The following SLC35F3 variants were observed in gnomAD, a reference collection of about 807,000 sequenced individuals.
SLC35F3 encodes solute carrier family 35 member F3, also known as putative thiamine transporter SLC35F3.
SLC35F3 carries 25 observed loss-of-function variants against 49.9 expected under a neutral mutation model. That is an observed-to-expected ratio of 0.50 (90% CI 0.37 to 0.70). The LOEUF (loss-of-function observed/expected upper bound fraction) is 0.70, where lower values mean the gene tolerates loss of function less well. SLC35F3 is among the 30% of genes least tolerant of loss of function. The pLI, the probability that SLC35F3 is intolerant of heterozygous loss-of-function variation, is 0.00. For synonymous variants in SLC35F3, 275 were observed against 265.4 expected, an observed-to-expected ratio of 1.04 and a Z score of -0.35; for missense variants, 525 against 639.8, an observed-to-expected ratio of 0.82 and a Z score of 1.94.
chr1:233,986,279 A>T (rs1381797291), intron 2 of SLC35F3, among the ~76,000 whole-genome samples: 6 of 152,058 alleles, frequency 3.9e-5, no homozygotes. Context: ...TTCTTTGAGG[A>T]TTTTAGGTTT....
In SLC35F3 at chr1:234,267,489, CGGCTGGCCGGGCGGGG is replaced by C. The variant is rs1371619077; in HGVS notation, c.608+35754_608+35769del. The stretch of plus-strand genomic sequence containing the variant: ...AGCGCCCCTCACCTCCCGGATGGGG[CGGCTGGCCGGGCGGGG>C]GGCTGACCCCCCCACCTCCCTCCCG... On this transcript the variant is annotated intron_variant, in intron 3 of 7. Coordinates refer to ENST00000366618, the MANE Select transcript of SLC35F3 (RefSeq NM_173508.4). 7.5e-5 allele frequency among the ~76,000 whole-genome samples: 11 copies of C among 147,430 alleles called. No individual in the cohort carries two copies. The East Asian group carries it at 1.7e-3, about 23-fold the overall frequency.
At chr1:234,110,197 G>A (rs543991911) in intron 2 of SLC35F3, among the ~76,000 whole-genome samples, 2 of 152,310 alleles carry the variant, frequency 1.3e-5, no homozygotes, top group South Asian at 4.1e-4. Flanking sequence ...ATACGGAGGA[G>A]GAAGATCACT....
chr1:234,131,956 A>G (rs2102898740), intron 2 of SLC35F3, among the ~76,000 whole-genome samples: 1 of 152,336 alleles, frequency 6.6e-6, no homozygotes, highest in Middle Eastern at 3.4e-3. Context: ...GACTATGTAT[A>G]AACTTCGGGG....
chr1:234,264,447 C>G (rs893234214), intron 3 of SLC35F3, among the ~76,000 whole-genome samples: 1 of 152,230 alleles, frequency 6.6e-6, no homozygotes, highest in African/African-American at 2.4e-5. Context: ...CTCCCTTTCT[C>G]TCTTAAACCT....
At chr1:234,076,333 C>T (rs951403579) in intron 2 of SLC35F3, among the ~76,000 whole-genome samples, 1 of 73,908 alleles carries the variant, frequency 1.4e-5, no homozygotes, top group East Asian at 2.3e-4. Context: ...TGTGGTGGCT[C>T]ATGCCTGTAA....
Position 234,231,291 on chromosome 1 carries a change from C to T in SLC35F3, c.284-126C>T. On this transcript the variant is annotated intron_variant, in intron 2 of 7. Transcript: ENST00000366618. This position sits in a 1 kb window ranked among gnomAD's most constrained non-coding sequence, Gnocchi z 5.4. ...GTCACACAGCCGCCCTGGAAGCCGC[C>T]CCTGCACCCGCTATCTCCCCGGGCC... The T allele has an allele frequency of 2.6e-6, 2 of 780,616 alleles. No individual in the cohort carries two copies. Among genetic ancestry groups the T allele is most frequent in the Non-Finnish European group, 4.0e-6 (2 of 506,232 alleles). 48.4% of individuals were successfully genotyped at this position (780,616 alleles called of 1,614,324 possible).
intron 2 of SLC35F3, among the ~76,000 whole-genome samples, chr1:234,227,958 A>G (rs1399845516): frequency 6.6e-6 from 1 of 152,232 alleles, no homozygotes; most frequent in Non-Finnish European, 1.5e-5. Context: ...TTCCAATAGT[A>G]GAAAATAAAT....
intron 3 of SLC35F3, among the ~76,000 whole-genome samples, chr1:234,233,311 A>G (rs1667413681): frequency 6.6e-6 from 1 of 152,248 alleles, no homozygotes; most frequent in South Asian, 2.1e-4. Flanking sequence ...TTAGGATGGT[A>G]TGCTACTGCC....
chr1:234,228,673 T>C (rs1437175567), intron 2 of SLC35F3, among the ~76,000 whole-genome samples: 1 of 151,776 alleles, frequency 6.6e-6, no homozygotes, highest in Non-Finnish European at 1.5e-5. Flanking sequence ...AATTTTTCAG[T>C]GTGTGTGTGT....
Position 234,231,843 on chromosome 1 carries a change from T to C in SLC35F3, c.608+102T>C, listed in dbSNP as rs1667383859. Reference sequence around the variant, plus strand: ...GGTGGCAGGCGCTGGGATGAGCCGGTGGGAGCCCGTGGAGAGATGTTGCAG... The same window carrying C: ...GGTGGCAGGCGCTGGGATGAGCCGGCGGGAGCCCGTGGAGAGATGTTGCAG... On this transcript the variant is annotated intron_variant, in intron 3 of 7. Transcript: ENST00000366618. This position sits in a 1 kb window ranked among gnomAD's most constrained non-coding sequence, Gnocchi z 5.4. 3 of 1,122,556 alleles carry C rather than the reference T, an allele frequency of 2.7e-6. No individual in the cohort carries two copies. The highest frequency in any genetic ancestry group is 3.9e-6 in the Non-Finnish European group (3 of 774,940). 69.5% of individuals were successfully genotyped at this position (1,122,556 alleles called of 1,614,324 possible).
chr1:234,062,900 G>A (rs546786607), intron 2 of SLC35F3, among the ~76,000 whole-genome samples: 10 of 148,484 alleles, frequency 6.7e-5, no homozygotes, highest in South Asian at 4.3e-4. Context: ...CGTGTTCACC[G>A]GGATGGTCTC....
Position 234,320,088 on chromosome 1 carries a change from T to C in SLC35F3, c.1148-10T>C. 2.5e-6 allele frequency: 4 copies of C among 1,580,486 alleles called. No homozygotes were observed. The highest frequency in any genetic ancestry group is 3.5e-6 in the Non-Finnish European group (4 of 1,149,362). ...TGAATAACACTCGTTGTTTACATTCTTTATTTCAGCATTCAATATTGTATT... is the reference window on the plus strand; with the variant it reads ...TGAATAACACTCGTTGTTTACATTCCTTATTTCAGCATTCAATATTGTATT... On this transcript the variant is annotated splice_polypyrimidine_tract_variant and intron_variant, in intron 6 of 7. Coordinates refer to ENST00000366618, the MANE Select transcript of SLC35F3 (RefSeq NM_173508.4). The surrounding 1 kb of genome is among the most constrained non-coding windows in gnomAD (Gnocchi z 4.8).
intron 2 of SLC35F3, among the ~76,000 whole-genome samples, chr1:234,067,652 T>A (rs1342284432): frequency 2.0e-5 from 3 of 152,178 alleles, no homozygotes; most frequent in Non-Finnish European, 4.4e-5. Flanking sequence ...AGAAATCACG[T>A]GGCAAAGAGA....
At chr1:234,297,987 A>G (rs1019514953) in intron 3 of SLC35F3, among the ~76,000 whole-genome samples, 1 of 151,780 alleles carries the variant, frequency 6.6e-6, no homozygotes, top group Non-Finnish European at 1.5e-5. Flanking sequence ...CACACACACA[A>G]AAAAAGAGGG....
chr1:233,943,743 C>A (rs1168701807), intron 2 of SLC35F3, among the ~76,000 whole-genome samples: 1 of 152,140 alleles, frequency 6.6e-6, no homozygotes, highest in Non-Finnish European at 1.5e-5. Context: ...AAAAGATAAA[C>A]CTTGATGAAG....
chr1:234,284,739 T>C (rs1668390605), intron 3 of SLC35F3, among the ~76,000 whole-genome samples: 1 of 152,208 alleles, frequency 6.6e-6, no homozygotes, highest in South Asian at 2.1e-4. Flanking sequence ...TAACTCGTTC[T>C]GAATGATGAT....
At chr1:234,260,909 C>G (rs1027806463) in intron 3 of SLC35F3, among the ~76,000 whole-genome samples, 1 of 152,188 alleles carries the variant, frequency 6.6e-6, no homozygotes, top group Non-Finnish European at 1.5e-5. Context: ...CAAGTATACA[C>G]AGAGTTCCCA....
intron 2 of SLC35F3, among the ~76,000 whole-genome samples, chr1:233,963,387 G>A (rs953118706): frequency 7.3e-5 from 11 of 150,892 alleles, no homozygotes; most frequent in Non-Finnish European, 1.3e-4. Flanking sequence ...TGCAAGCTCC[G>A]CCTCCCAGGT....
intron 2 of SLC35F3, among the ~76,000 whole-genome samples, chr1:234,114,205 A>G (rs1048115036): frequency 3.9e-5 from 6 of 152,170 alleles, no homozygotes; most frequent in African/African-American, 1.4e-4. Flanking sequence ...TGTTCTTTGG[A>G]AATTTATATC....
Sources: allele counts gnomAD v4.1 joint callset (sites outside exome capture counted in the v4.1 genomes callset), GRCh38; gene constraint gnomAD v4.1.1; non-coding constraint Gnocchi (gnomAD v3.1); transcripts MANE v1.5; gene names NCBI Gene and HGNC (gene_info 2026-07-23, HGNC 2026-07-21).